The following RSPO2 variants were observed in gnomAD, a reference collection of about 807,000 sequenced individuals.
RSPO2 encodes R-spondin 2.
Under a neutral mutation model 30.9 loss-of-function variants are expected in RSPO2, and 14 were observed. The observed-to-expected ratio is 0.45, with a 90% confidence interval of 0.30 to 0.71. The LOEUF (loss-of-function observed/expected upper bound fraction) is 0.71, where lower values mean the gene tolerates loss of function less well. Among genes scored for constraint, RSPO2 ranks in the 30% least tolerant of loss-of-function variants. The pLI, the probability that RSPO2 is intolerant of heterozygous loss-of-function variation, is 0.08. For synonymous variants in RSPO2, 107 were observed against 96.4 expected (o/e 1.11, Z -0.64); for missense variants, 264 against 301.9 (o/e 0.87, Z 0.93).
At chr8:107,930,967 G>A (rs1812536228) in intron 5 of RSPO2, among the ~76,000 whole-genome samples, 1 of 152,116 alleles carries the variant, frequency 6.6e-6, no homozygotes, top group African/African-American at 2.4e-5. Context: ...TTAGGCAGCT[G>A]TTTTAACCAA....
intron 2 of RSPO2, among the ~76,000 whole-genome samples, chr8:108,025,706 G>A (rs562286605): frequency 6.6e-6 from 1 of 151,840 alleles, no homozygotes; most frequent in East Asian, 1.9e-4. Context: ...TTTTTTTAAA[G>A]AAAGAGGATC....
At chr8:107,950,752 TAA>T (rs10599629) in intron 5 of RSPO2, among the ~76,000 whole-genome samples, 40,176 of 141,946 alleles carry the variant, frequency 0.28, 5,368 homozygotes, top group Middle Eastern at 0.35. Flanking sequence ...TAATTAATGG[TAA>T]AAAAAAAAAA....
At chr8:108,072,377 G>A (rs965616107) in intron 2 of RSPO2, among the ~76,000 whole-genome samples, 1 of 141,164 alleles carries the variant, frequency 7.1e-6, no homozygotes, top group Admixed American at 7.4e-5. Flanking sequence ...CCAGGCTGGA[G>A]TGCAGTGGTG....
At chr8:107,955,894 AT>A (rs1027391453) in intron 5 of RSPO2, among the ~76,000 whole-genome samples, 39 of 152,334 alleles carry the variant, frequency 2.6e-4, no homozygotes, top group African/African-American at 9.4e-4. Context: ...AAATGCCTGT[AT>A]TCCCAACCTG....
chr8:108,035,192 G>A (rs572713955), intron 2 of RSPO2, among the ~76,000 whole-genome samples: 5 of 152,236 alleles, frequency 3.3e-5, no homozygotes, highest in African/African-American at 1.2e-4. Flanking sequence ...TTTCTGAATT[G>A]TACTATTATC....
chr8:108,014,832 C>T (rs1447461272), intron 2 of RSPO2, among the ~76,000 whole-genome samples: 6 of 136,076 alleles, frequency 4.4e-5, no homozygotes, highest in African/African-American at 1.4e-4. Flanking sequence ...TGTCCCAGAA[C>T]TTAAAGTATA....
chr8:107,973,988 A>G (rs746996789), intron 3 of RSPO2, among the ~76,000 whole-genome samples: 1 of 152,108 alleles, frequency 6.6e-6, no homozygotes, highest in East Asian at 1.9e-4. Flanking sequence ...TCATATGAAG[A>G]TTTTTCAATA....
intron 2 of RSPO2, among the ~76,000 whole-genome samples, chr8:108,070,927 A>T (rs1018599355): frequency 2.6e-5 from 4 of 152,178 alleles, no homozygotes; most frequent in African/African-American, 9.6e-5. Flanking sequence ...AATAAATCAC[A>T]TTCGTTTTTC....
chr8:108,029,224 T>C (rs1360314531), intron 2 of RSPO2, among the ~76,000 whole-genome samples: 2 of 151,338 alleles, frequency 1.3e-5, no homozygotes, highest in Non-Finnish European at 2.9e-5. Context: ...ACATATTGTT[T>C]GTGTCTGCTT....
intron 5 of RSPO2, among the ~76,000 whole-genome samples, chr8:107,951,866 TG>T (rs1388578211): frequency 6.6e-6 from 1 of 152,122 alleles, no homozygotes; most frequent in Non-Finnish European, 1.5e-5. Context: ...TTTATGTCTA[TG>T]TCCATGTCTA....
chr8:107,909,727 T>G (rs1035657604), intron 5 of RSPO2, among the ~76,000 whole-genome samples: 1 of 152,216 alleles, frequency 6.6e-6, no homozygotes, highest in African/African-American at 2.4e-5. Context: ...TCTGCATAAA[T>G]AACAACTTCT....
Position 108,082,790 on chromosome 8 carries a change from C to G in RSPO2, c.-152G>C. 1 of 592,650 alleles carries G rather than the reference C, an allele frequency of 1.7e-6. No individual in the cohort carries two copies. 36.7% of individuals were successfully genotyped at this position (592,650 alleles called of 1,614,324 possible). A position where few individuals can be genotyped will look rare whatever the true frequency, so the allele number is the denominator to read the frequency against. On this transcript the variant is annotated 5_prime_UTR_variant, in exon 2 of 6. It removes an upstream start codon present in the reference 5' UTR. Transcript: ENST00000276659. Reference sequence around the variant, plus strand: ...GCACCGGTCAGTTCAGCGCGATCAGCATCTCTCCGCCACGAACCTGAGAGA... The same window carrying G: ...GCACCGGTCAGTTCAGCGCGATCAGGATCTCTCCGCCACGAACCTGAGAGA...
intron 2 of RSPO2, among the ~76,000 whole-genome samples, chr8:108,075,443 G>A (rs1013078573): frequency 6.6e-6 from 1 of 150,414 alleles, no homozygotes; most frequent in African/African-American, 2.5e-5. Flanking sequence ...TCACACCATT[G>A]CACTCCAGGC....
At chr8:107,962,989 C>T (rs1194912858) in intron 3 of RSPO2, among the ~76,000 whole-genome samples, 1 of 152,100 alleles carries the variant, frequency 6.6e-6, no homozygotes, top group South Asian at 2.1e-4. Context: ...GCTCCCTTTC[C>T]TCATTTCATT....
chr8:107,901,116 G>C lies in RSPO2; in HGVS notation c.691C>G (p.Gln231Glu), dbSNP rs1488233215. The C allele has an allele frequency of 6.2e-7, 1 of 1,614,138 alleles. No individual in the cohort carries two copies. Among genetic ancestry groups the C allele is most frequent in the Non-Finnish European group, 8.5e-7 (1 of 1,180,010 alleles). Residue 231 changes from glutamine (Q) to glutamate (E), a missense_variant, in exon 6 of 6, where the codon CAA becomes GAA. By Grantham distance (29) the Gln-to-Glu change is conservative. Transcript: ENST00000276659. ...KRKLIERAQE[Q>E]HSVFLATDRA... The stretch of plus-strand genomic sequence containing the variant: ...TCTGTAGCTAGGAAGACGCTGTGTT[G>C]CTCCTGGGCCCTTTCTATCAGCTTC...
chr8:107,981,621 G>C (rs927333387), intron 3 of RSPO2, among the ~76,000 whole-genome samples: 1 of 152,104 alleles, frequency 6.6e-6, no homozygotes, highest in Non-Finnish European at 1.5e-5. Context: ...AGTGATCTTG[G>C]AGTTCACAAA....
intron 5 of RSPO2, among the ~76,000 whole-genome samples, chr8:107,919,313 C>T (rs932412127): frequency 6.6e-6 from 1 of 152,174 alleles, no homozygotes; most frequent in African/African-American, 2.4e-5. Context: ...AGAGATTTGA[C>T]TTAACCTCCA....
chr8:108,057,418 T>C (rs994301638), intron 2 of RSPO2, among the ~76,000 whole-genome samples: 2 of 152,272 alleles, frequency 1.3e-5, no homozygotes, highest in East Asian at 3.9e-4. Flanking sequence ...TTGCCAACAA[T>C]GAATAGATTT....
intron 2 of RSPO2, among the ~76,000 whole-genome samples, chr8:108,014,228 C>G (rs1370073107): frequency 6.6e-6 from 1 of 152,170 alleles, no homozygotes; most frequent in African/African-American, 2.4e-5. Context: ...AAGAGGAACA[C>G]TTTTACACTG....
Sources: gnomAD v4.1 joint callset for allele counts (sites outside exome capture counted in the v4.1 genomes callset) on GRCh38, gnomAD v4.1.1 for gene constraint, MANE v1.5 for transcripts, NCBI Gene and HGNC (gene_info 2026-07-23, HGNC 2026-07-21) for gene names.